The following PFKFB3 variants were observed in gnomAD, a reference collection of about 807,000 sequenced individuals.
The protein encoded by PFKFB3 is 6-phosphofructo-2-kinase/fructose-2,6-bisphosphatase 3.
A neutral mutation model predicts 68.0 loss-of-function variants in PFKFB3; 33 were observed. That is an observed-to-expected ratio of 0.49 (90% confidence interval 0.37 to 0.65). The LOEUF is 0.65. PFKFB3 is among the 30% of genes least tolerant of loss of function. The pLI is 0.00. For synonymous variants in PFKFB3, 315 were observed against 288.2 expected, an observed-to-expected ratio of 1.09 and a Z score of -0.94; for missense variants, 586 against 712.2, an observed-to-expected ratio of 0.82 and a Z score of 2.02.
chr10:6,282,697 C>G, the PFKFB3 span, among the ~76,000 whole-genome samples: 1 of 151,952 alleles, frequency 6.6e-6, no homozygotes, highest in African/African-American at 2.4e-5. Flanking sequence ...GGAAAGTGAG[C>G]CTTAAAGTAA....
chr10:6,299,451 C>T, the PFKFB3 span, among the ~76,000 whole-genome samples: 3 of 152,184 alleles, frequency 2.0e-5, no homozygotes, highest in Non-Finnish European at 2.9e-5. Flanking sequence ...TAACGTGCCT[C>T]CTTGCAGGTA....
At position 6,163,714 on chromosome 10, in the gene PFKFB3, T is replaced by G. The variant is rs1842034775; in HGVS notation, c.16+18701T>G. 2.0e-5 allele frequency: 3 copies of G among 151,564 alleles called. No homozygotes were observed. In the South Asian group the frequency reaches 6.2e-4, roughly 31 times the overall value. 9.4% of individuals were successfully genotyped at this position (151,564 alleles called of 1,614,324 possible). A position where few individuals can be genotyped will look rare whatever the true frequency, so the allele number is the denominator to read the frequency against. ...TGGCGGGACCGGCGGGGGCGGGGCC[T>G]GGGGGTGGTCCGCGCGGATTGGCTG... On this transcript the variant is annotated intron_variant, in intron 1 of 14. Coordinates refer to the PFKFB3 transcript ENST00000379789.
the PFKFB3 span, among the ~76,000 whole-genome samples, chr10:6,270,851 G>A: frequency 6.6e-6 from 1 of 152,144 alleles, no homozygotes. Context: ...AGTAGGAACT[G>A]GGCCAGTTTT....
Position 6,220,232 on chromosome 10 carries a change from A to G in PFKFB3, c.624-426A>G, listed in dbSNP as rs7915327. ...TCCTACCGCCTCAGCCTCATGAGTAACTGGGACTACAGGTGTGGGTGTCCA... is the reference window on the plus strand; with the variant it reads ...TCCTACCGCCTCAGCCTCATGAGTAGCTGGGACTACAGGTGTGGGTGTCCA... On this transcript the variant is annotated intron_variant, in intron 7 of 14. Coordinates refer to ENST00000379775, the MANE Select transcript of PFKFB3 (RefSeq NM_004566.4). The surrounding 1 kb of genome is among the most constrained non-coding windows in gnomAD (Gnocchi z 4.1). 0.76 allele frequency among the ~76,000 whole-genome samples: 115,237 copies of G among 151,698 alleles called. 44,885 individuals carry two copies. The highest frequency in any genetic ancestry group is 0.86 in the Non-Finnish European group (58,282 of 67,952).
At chr10:6,282,687 G>A in the PFKFB3 span, among the ~76,000 whole-genome samples, 405 of 152,146 alleles carry the variant, frequency 2.7e-3, 1 homozygote, top group Non-Finnish European at 4.6e-3. Flanking sequence ...CGAATAAGGG[G>A]GAAAGTGAGC....
intron 1 of PFKFB3, among the ~76,000 whole-genome samples, chr10:6,169,762 G>C (rs893054302): frequency 1.3e-5 from 2 of 152,198 alleles, no homozygotes; most frequent in Admixed American, 6.5e-5. Flanking sequence ...CCAGCCCTGA[G>C]CTCTATATAT....
upstream of PFKFB3, among the ~76,000 whole-genome samples, chr10:6,198,867 C>A (rs1229812478): frequency 6.6e-6 from 1 of 152,212 alleles, no homozygotes; most frequent in Non-Finnish European, 1.5e-5. Context: ...ATAGTTTATC[C>A]ATTTACCTAC....
intron 1 of PFKFB3, among the ~76,000 whole-genome samples, chr10:6,167,819 C>T (rs79675517): frequency 0.011 from 1,650 of 152,324 alleles, 69 homozygotes; most frequent in East Asian, 0.099. Context: ...TCCTCTCCTA[C>T]GCCCTTAGGT....
At chr10:6,169,933 A>G (rs1842256400) in intron 1 of PFKFB3, among the ~76,000 whole-genome samples, 1 of 152,190 alleles carries the variant, frequency 6.6e-6, no homozygotes, top group Admixed American at 6.5e-5. Context: ...AGATTGAAAC[A>G]TTGGGAGTGC....
the PFKFB3 span, among the ~76,000 whole-genome samples, chr10:6,284,884 A>G: frequency 6.6e-6 from 1 of 152,210 alleles, no homozygotes; most frequent in African/African-American, 2.4e-5. Flanking sequence ...AATGTTTTTA[A>G]GGTTTATCTA....
chr10:6,183,614 A>AAAAAATATATATATAT (rs1242752213), intron 1 of PFKFB3, among the ~76,000 whole-genome samples: 1 of 93,944 alleles, frequency 1.1e-5, no homozygotes, highest in African/African-American at 3.4e-5. Flanking sequence ...AAAAAAAAAA[A>AAAAAATATATATATAT]ATATATATAT....
chr10:6,189,051 G>A (rs553829591), intron 1 of PFKFB3, among the ~76,000 whole-genome samples: 117 of 152,220 alleles, frequency 7.7e-4, no homozygotes, highest in African/African-American at 2.6e-3. Context: ...GTGTTAGCCA[G>A]GATGGTCTCG....
intron 14 of PFKFB3, among the ~76,000 whole-genome samples, chr10:6,247,816 C>T (rs1371193959): frequency 6.6e-6 from 1 of 152,232 alleles, no homozygotes; most frequent in African/African-American, 2.4e-5. Flanking sequence ...AAACAAGTGT[C>T]CTATTAGAAT....
the PFKFB3 span, among the ~76,000 whole-genome samples, chr10:6,302,812 G>A: frequency 6.6e-6 from 1 of 152,024 alleles, no homozygotes. Context: ...ATATATTTGT[G>A]TGTGTGTGTG....
At chr10:6,192,344 G>T (rs1414622187) in intron 1 of PFKFB3, among the ~76,000 whole-genome samples, 1 of 146,938 alleles carries the variant, frequency 6.8e-6, no homozygotes, top group Non-Finnish European at 1.5e-5. Flanking sequence ...TCCAAAACCT[G>T]CCCGTTTTTT....
chr10:6,303,550 C>G, the PFKFB3 span, among the ~76,000 whole-genome samples: 5 of 152,016 alleles, frequency 3.3e-5, no homozygotes, highest in East Asian at 9.6e-4. Flanking sequence ...CACGGTGGCT[C>G]ACGCCTGTAA....
intron 1 of PFKFB3, chr10:6,149,586 CAA>C (rs57208512): frequency 3.8e-5 from 5 of 131,452 alleles, no homozygotes; most frequent in Middle Eastern, 3.8e-3. Context: ...GACTCCCTCT[CAA>C]AAAAAAAAAA....
At chr10:6,257,813 TA>T (rs1846505806), downstream of PFKFB3, among the ~76,000 whole-genome samples, 1 of 152,122 alleles carries the variant, frequency 6.6e-6, no homozygotes. Context: ...AGTCAGGATG[TA>T]ATTTCAGATC....
chr10:6,270,402 A>T, the PFKFB3 span, among the ~76,000 whole-genome samples: 5 of 152,196 alleles, frequency 3.3e-5, no homozygotes, highest in African/African-American at 1.2e-4. Context: ...TGATTGTGTC[A>T]TGCAAGGTTT....
Sources: gnomAD v4.1 joint callset for allele counts (sites outside exome capture counted in the v4.1 genomes callset) on GRCh38, gnomAD v4.1.1 for gene constraint, Gnocchi (gnomAD v3.1) non-coding constraint, MANE v1.5 for transcripts, NCBI Gene and HGNC (gene_info 2026-07-23, HGNC 2026-07-21) for gene names.